ADH5: variants seen among roughly 807,000 people sequenced by gnomAD.
The protein encoded by ADH5 is alcohol dehydrogenase class-3.
ADH5 carries 32 observed loss-of-function variants against 40.3 expected under a neutral mutation model. The ratio of observed to expected loss-of-function variants is 0.79; its 90% CI spans 0.60 to 1.07. The LOEUF is 1.07. ADH5 is among the 50% of genes least tolerant of loss of function. The pLI is 0.00. For synonymous variants in ADH5, 125 were observed against 154.3 expected (o/e 0.81, Z 1.41); for missense variants, 353 against 460.5 (o/e 0.77, Z 2.14).
chr4:99,084,452 T>C (rs773396839), intron 2 of ADH5, among the ~76,000 whole-genome samples: 3 of 152,220 alleles, frequency 2.0e-5, no homozygotes, highest in African/African-American at 7.2e-5. Context: ...GCCATGGCAA[T>C]GTCATGAAGT....
chr4:99,082,769 T>G (rs1728051587), intron 2 of ADH5, among the ~76,000 whole-genome samples: 1 of 152,150 alleles, frequency 6.6e-6, no homozygotes, highest in African/African-American at 2.4e-5. Context: ...CTCCGCCTCC[T>G]GGGTTCAAGT....
chr4:99,075,180 T>A, intron 6 of ADH5, 131 bp from the exon 7 acceptor site: 1 of 720,856 alleles, frequency 1.4e-6, no homozygotes, highest in Non-Finnish European at 2.1e-6. Context: ...TAACATTTAG[T>A]GAGCTCAATG....
At chr4:99,073,886 C>G (rs766502132) in intron 7 of ADH5, among the ~76,000 whole-genome samples, 3 of 152,202 alleles carry the variant, frequency 2.0e-5, no homozygotes, top group Non-Finnish European at 4.4e-5. Context: ...TAAAATACAG[C>G]TATGGACTCC....
chr4:99,088,161 A>G (rs1335925549), intron 1 of ADH5, among the ~76,000 whole-genome samples: 1 of 152,130 alleles, frequency 6.6e-6, no homozygotes, highest in Non-Finnish European at 1.5e-5. Context: ...ATCTCTTGGT[A>G]TTTAAGTGCT....
At chr4:99,087,242 C>T (rs1269971348) in intron 1 of ADH5, among the ~76,000 whole-genome samples, 2 of 151,858 alleles carry the variant, frequency 1.3e-5, no homozygotes, top group South Asian at 2.1e-4. Context: ...AAATACCGAG[C>T]ATGGTGACGG....
intron 1 of ADH5, among the ~76,000 whole-genome samples, chr4:99,087,888 G>A (rs1728180016): frequency 6.6e-6 from 1 of 152,224 alleles, no homozygotes; most frequent in Admixed American, 6.5e-5. Context: ...AAGGCCATTT[G>A]TCTTACTAGA....
chr4:99,085,338 A>G (rs1267375660), intron 1 of ADH5, 122 bp from the exon 2 acceptor site: 1 of 449,324 alleles, frequency 2.2e-6, no homozygotes, highest in Non-Finnish European at 3.9e-6. Context: ...ACAAAGAAAC[A>G]TATGCTTCCA....
At chr4:99,073,135 T>C (rs1254789782) in intron 7 of ADH5, among the ~76,000 whole-genome samples, 3 of 152,196 alleles carry the variant, frequency 2.0e-5, no homozygotes, top group Non-Finnish European at 4.4e-5. Flanking sequence ...AACAGAAAAC[T>C]ATGAAACTGA....
chr4:99,088,672 C>T lies in ADH5; in HGVS notation c.12+17G>A, dbSNP rs200326308. ...TCCCTCCCTTGGACTCAGGGCCCTC[C>T]GCTCAACGGGCCCTACCTCGTTCGC... On this transcript the variant is annotated intron_variant, in intron 1 of 8. Coordinates refer to ENST00000296412, the MANE Select transcript of ADH5 (RefSeq NM_000671.4). 120 of 1,607,012 alleles carry T rather than the reference C, an allele frequency of 7.5e-5. 2 individuals carry two copies. The African/African-American group carries it at 1.2e-3, about 16-fold the overall frequency.
At chr4:99,088,650 C>A (rs1287084290) in intron 1 of ADH5, 39 bp downstream of exon 1, 2 of 1,591,794 alleles carry the variant, frequency 1.3e-6, no homozygotes, top group South Asian at 2.3e-5. Flanking sequence ...CATGCACTCC[C>A]TCCCTTGGAC....
At chr4:99,088,662 CA>C (rs761372030) in intron 1 of ADH5, 26 bp downstream of exon 1, 4 of 1,605,752 alleles carry the variant, frequency 2.5e-6, no homozygotes, top group Non-Finnish European at 2.6e-6. Context: ...CCCTTGGACT[CA>C]GGGCCCTCCG....
rs1487881727 is a variant in ADH5 at position 99,081,985 on chromosome 4, C to T, written c.246G>A (p.Lys82=). The change falls in exon 3 of 9, where the codon AAG becomes AAA. Residue 82 remains lysine (K), a synonymous_variant. Transcript: ENST00000296412. Reference sequence around the variant, plus strand: ...AAGTATTCTCCTTACCCGCCTTCAGCTTAGTAACTCCCTCACCAACACTTT... The same window carrying T: ...AAGTATTCTCCTTACCCGCCTTCAGTTTAGTAACTCCCTCACCAACACTTT... ...IVESVGEGVT[K]LKAGDTVIPL... 1 of 1,613,770 alleles carries T rather than the reference C, an allele frequency of 6.2e-7. No individual in the cohort carries two copies. Among genetic ancestry groups the T allele is most frequent in the Non-Finnish European group, 8.5e-7 (1 of 1,179,732 alleles).
Position 99,071,005 on chromosome 4 carries a change from C to A in ADH5, c.*1412G>T, listed in dbSNP as rs1017468429. The A allele has an allele frequency of 1.3e-5, 2 of 151,994 alleles. No individual in the cohort carries two copies. Among genetic ancestry groups the A allele is most frequent in the African/African-American group, 4.8e-5 (2 of 41,372 alleles). 9.4% of individuals were successfully genotyped at this position (151,994 alleles called of 1,614,324 possible). ...TATGTGACTACATTAAAACTTTATT[C>A]AACAAAATACCATAAAGTAAAAAGA... On this transcript the variant is annotated 3_prime_UTR_variant, in exon 9 of 9. Transcript: ENST00000296412.
chr4:99,075,067 T>C lies in ADH5; in HGVS notation c.826-18A>G. ...GCTGCTCTCTGCAGGCACAGAGATA[T>C]GACCAAATCACAGAAGTCAGTGCAT... On this transcript the variant is annotated intron_variant, in intron 6 of 8. Transcript: ENST00000296412. The C allele has an allele frequency of 6.4e-7, 1 of 1,555,952 alleles. No individual in the cohort carries two copies. The highest frequency in any genetic ancestry group is 8.7e-7 in the Non-Finnish European group (1 of 1,146,284).
chr4:99,087,192 T>C (rs570948737), intron 1 of ADH5, among the ~76,000 whole-genome samples: 9 of 151,858 alleles, frequency 5.9e-5, no homozygotes, highest in Non-Finnish European at 1.0e-4. Flanking sequence ...GAGACCAGCC[T>C]GGCCACTATG....
intron 7 of ADH5, among the ~76,000 whole-genome samples, chr4:99,074,456 C>T (rs1159140045): frequency 6.6e-6 from 1 of 152,162 alleles, no homozygotes; most frequent in Non-Finnish European, 1.5e-5. Context: ...GTTTGAGACT[C>T]AATATTGGTT....
At position 99,088,729 on chromosome 4, in the gene ADH5, C is replaced by A; in HGVS notation, c.-29G>T. ...CACGGATTCTGGTCGGCGCGGGGGG[C>A]TGACATCCGGGGTGGGCCGCGCAGC... On this transcript the variant is annotated 5_prime_UTR_variant, in exon 1 of 9. Transcript: ENST00000296412. The A allele has an allele frequency of 6.3e-7, 1 of 1,595,484 alleles. No individual in the cohort carries two copies. Among genetic ancestry groups the A allele is most frequent in the South Asian group, 1.1e-5 (1 of 88,734 alleles).
intron 4 of ADH5, 112 bp downstream of exon 4, chr4:99,081,253 G>T: frequency 1.4e-6 from 1 of 735,156 alleles, no homozygotes; most frequent in Non-Finnish European, 2.3e-6. Flanking sequence ...TAATCCGACT[G>T]GGTTAATGAA....
intron 1 of ADH5, chr4:99,085,480 C>T: frequency 2.9e-6 from 1 of 345,024 alleles, no homozygotes; most frequent in East Asian, 5.0e-5. Flanking sequence ...TGGCCTTCTA[C>T]AGTGCATATG....
Sources: gnomAD v4.1 joint callset for allele counts (sites outside exome capture counted in the v4.1 genomes callset) on GRCh38, gnomAD v4.1.1 for gene constraint, MANE v1.5 for transcripts, NCBI Gene and HGNC (gene_info 2026-07-23, HGNC 2026-07-21) for gene names.